The following RERE variants were observed in gnomAD, a reference collection of about 807,000 sequenced individuals.
RERE encodes arginine-glutamic acid dipeptide repeats protein.
In RERE, 40 loss-of-function variants were observed where a neutral mutation model predicts 146.1. That is an observed-to-expected ratio of 0.27 (90% CI 0.21 to 0.36). RERE has a LOEUF of 0.36. Among genes scored for constraint, RERE ranks in the 10% least tolerant of loss-of-function variants. RERE has a pLI of 1.00. For synonymous variants in RERE, 1,003 were observed against 866.0 expected (o/e 1.16, Z -2.78); for missense variants, 1,933 against 2,138.7 (o/e 0.90, Z 1.90).
At position 8,360,347 on chromosome 1, in the gene RERE, A is replaced by G. The variant is rs946959336; in HGVS notation, c.3160T>C (p.Ser1054Pro). The change falls in exon 18 of 23, where the codon TCC becomes CCC. Residue 1054 changes from serine to proline, a missense_variant. Transcript: ENST00000400908. ...PPPITPPTCP[S>P]TSTPPAGPGT... ...GGTCCCGCCGGTGGGGTAGAGGTGG[A>G]GGGGCAGGTCGGAGGGGTGATGGGA... The G allele has an allele frequency of 3.5e-6, 5 of 1,422,784 alleles. No homozygotes were observed. Among genetic ancestry groups the G allele is most frequent in the Non-Finnish European group, 4.6e-6 (5 of 1,077,660 alleles). 88.1% of individuals were successfully genotyped at this position (1,422,784 alleles called of 1,614,324 possible). A position where few individuals can be genotyped will look rare whatever the true frequency, so the allele number is the denominator to read the frequency against.
chr1:8,807,141 T>C (rs1051173404), intron 1 of RERE: 1 of 152,210 alleles, frequency 6.6e-6, no homozygotes, highest in Non-Finnish European at 1.5e-5. Context: ...AGCCTTGACC[T>C]CCTAGGCTCA....
intron 11 of RERE, among the ~76,000 whole-genome samples, chr1:8,462,075 TA>T (rs370397821): frequency 1.3e-5 from 2 of 152,184 alleles, no homozygotes; most frequent in South Asian, 2.1e-4. Context: ...GCTCCAAAAG[TA>T]AAATTTTTAA....
chr1:8,502,890 C>T (rs1474333891), intron 8 of RERE, among the ~76,000 whole-genome samples: 1 of 150,688 alleles, frequency 6.6e-6, no homozygotes, highest in Non-Finnish European at 1.5e-5. Flanking sequence ...TTGAAGGCAG[C>T]GTGCTCGTTA....
At chr1:8,610,308 G>C (rs188698776) in intron 4 of RERE, among the ~76,000 whole-genome samples, 206 of 152,078 alleles carry the variant, frequency 1.4e-3, no homozygotes, top group African/African-American at 4.8e-3. Flanking sequence ...ACGAGAATTT[G>C]GGCCGGGCAC....
At chr1:8,627,356 AT>A (rs1449336753) in intron 2 of RERE, among the ~76,000 whole-genome samples, 1 of 152,044 alleles carries the variant, frequency 6.6e-6, no homozygotes, top group Non-Finnish European at 1.5e-5. Context: ...AAAATAAAAA[AT>A]AAAAAATAAG....
chr1:8,520,137 A>G (rs1645472230), intron 7 of RERE, among the ~76,000 whole-genome samples: 1 of 152,260 alleles, frequency 6.6e-6, no homozygotes, highest in Non-Finnish European at 1.5e-5. Context: ...CCATATTCAC[A>G]CACAAATAAA....
intron 21 of RERE, 39 bp from the exon 22 acceptor site, chr1:8,355,638 A>G: frequency 6.5e-7 from 1 of 1,528,844 alleles, no homozygotes. Context: ...AGAAATAGCC[A>G]GAGGACTGGC....
intron 1 of RERE, among the ~76,000 whole-genome samples, chr1:8,663,424 T>TA (rs1480812896): frequency 6.6e-6 from 1 of 152,198 alleles, no homozygotes; most frequent in Admixed American, 6.5e-5. Context: ...GCTTAGCACT[T>TA]AGTCTACCAG....
intron 2 of RERE, among the ~76,000 whole-genome samples, chr1:8,642,434 A>G (rs777162256): frequency 4.6e-5 from 7 of 152,230 alleles, no homozygotes; most frequent in Non-Finnish European, 2.9e-5. Flanking sequence ...TATGCACAAC[A>G]CTGAAACATC....
intron 4 of RERE, among the ~76,000 whole-genome samples, chr1:8,579,675 A>G (rs1373059056): frequency 6.6e-6 from 1 of 152,238 alleles, no homozygotes; most frequent in Non-Finnish European, 1.5e-5. Flanking sequence ...AACTTTTGCT[A>G]CAACTACCCC....
rs756301012 is a variant in RERE, at chr1:8,656,044, C to T, written c.254G>A (p.Arg85His). The T allele has an allele frequency of 3.1e-6, 5 of 1,613,982 alleles. No homozygotes were observed. Among genetic ancestry groups the T allele is most frequent in the East Asian group, 2.2e-5 (1 of 44,904 alleles). The change falls in exon 2 of 23, where the codon CGT becomes CAT. Residue 85 changes from arginine to histidine, a missense_variant. Around this residue, in one of 11 missense-constraint regions of RERE, gnomAD observed 107 missense variants for 119.7 expected, o/e 0.89. Transcript: ENST00000400908. ...NKKKPPKKKSRYERTDTGEIT... is the reference protein window; with the variant it reads ...NKKKPPKKKSHYERTDTGEIT... ...CTCACCGGTATCTGTCCTTTCATAA[C>T]GAGACTTTTTTTTCGGTGGTTTCTT...
chr1:8,443,459 G>GAAAAAA lies in RERE; in HGVS notation c.1204-20658_1204-20653dup, dbSNP rs144499944. 3.7e-4 allele frequency among the ~76,000 whole-genome samples: 42 copies of GAAAAAA among 112,730 alleles called. 1 individual carries two copies. The highest frequency in any genetic ancestry group is 1.2e-3 in the East Asian group (4 of 3,366). 74.0% of individuals were successfully genotyped at this position (112,730 alleles called of 152,430 possible). A position where few individuals can be genotyped will look rare whatever the true frequency, so the allele number is the denominator to read the frequency against. ...CAGGTGAGACTCAGTCTCAAAAAAAGAAAAAAAAAAAAAAAAAAAAGAAAG... is the reference window on the plus strand; with the variant it reads ...CAGGTGAGACTCAGTCTCAAAAAAAGAAAAAAAAAAAAAAAAAAAAAAAAAAGAAAG... On this transcript the variant is annotated intron_variant, in intron 11 of 22. Coordinates refer to ENST00000400908, the MANE Select transcript of RERE (RefSeq NM_001042681.2).
intron 1 of RERE, among the ~76,000 whole-genome samples, chr1:8,814,983 C>T (rs969988617): frequency 1.5e-4 from 23 of 152,204 alleles, no homozygotes; most frequent in African/African-American, 4.8e-4. Context: ...TGCAGAAAGG[C>T]ACAACAACTG....
chr1:8,765,950 C>CA (rs879901504), intron 1 of RERE, among the ~76,000 whole-genome samples: 151 of 137,860 alleles, frequency 1.1e-3, no homozygotes, highest in African/African-American at 1.8e-3. Context: ...GACTCCGTCT[C>CA]AAAAAAAAAA....
chr1:8,629,899 A>T (rs1647014926), intron 2 of RERE, among the ~76,000 whole-genome samples: 1 of 152,218 alleles, frequency 6.6e-6, no homozygotes, highest in African/African-American at 2.4e-5. Context: ...CATTGTAAAA[A>T]GCACGCATGA....
chr1:8,583,486 T>A (rs1366330393), intron 4 of RERE, among the ~76,000 whole-genome samples: 2 of 152,168 alleles, frequency 1.3e-5, no homozygotes, highest in Admixed American at 1.3e-4. Context: ...GAAGAGCAGC[T>A]GAAGCCTGGT....
intron 1 of RERE, among the ~76,000 whole-genome samples, chr1:8,772,976 A>T (rs1350509902): frequency 6.6e-6 from 1 of 152,106 alleles, no homozygotes; most frequent in East Asian, 1.9e-4. Context: ...AATCCCAGCT[A>T]CTTGGGAAGC....
At chr1:8,695,839 A>T (rs1639318602) in intron 1 of RERE, among the ~76,000 whole-genome samples, 1 of 152,146 alleles carries the variant, frequency 6.6e-6, no homozygotes, top group Admixed American at 6.6e-5. Context: ...CATCTGACAA[A>T]GGTCTAATAC....
chr1:8,646,755 C>T (rs764756266), intron 2 of RERE, among the ~76,000 whole-genome samples: 2 of 152,160 alleles, frequency 1.3e-5, no homozygotes, highest in African/African-American at 2.4e-5. Flanking sequence ...ATCACCACTA[C>T]GCTGCCACAA....
Sources: gnomAD v4.1 joint callset for allele counts (sites outside exome capture counted in the v4.1 genomes callset) on GRCh38, gnomAD v4.1.1 for gene constraint, gnomAD v4.1.1 regional missense constraint, MANE v1.5 for transcripts, NCBI Gene and HGNC (gene_info 2026-07-23, HGNC 2026-07-21) for gene names.